ACTN2: variants seen among roughly 807,000 people sequenced by gnomAD.
ACTN2 encodes the protein actinin alpha 2.
ACTN2 carries 39 observed loss-of-function variants against 113.8 expected under a neutral mutation model. That is an observed-to-expected ratio of 0.34 (90% CI 0.27 to 0.45). The LOEUF (loss-of-function observed/expected upper bound fraction) is 0.45. Among genes scored for constraint, ACTN2 ranks in the 20% least tolerant of loss-of-function variants. The pLI, the probability that ACTN2 is intolerant of heterozygous loss-of-function variation, is 1.00. For synonymous variants in ACTN2, 429 were observed against 444.1 expected (o/e 0.97, Z 0.43); for missense variants, 992 against 1,177.9 (o/e 0.84, Z 2.31).
At chr1:236,712,943 A>G (rs1307798304) in intron 1 of ACTN2, among the ~76,000 whole-genome samples, 5 of 149,310 alleles carry the variant, frequency 3.3e-5, no homozygotes, top group Admixed American at 1.3e-4. Flanking sequence ...TTAACAACCT[A>G]CTATTCTTTT....
intron 1 of ACTN2, among the ~76,000 whole-genome samples, chr1:236,697,160 C>T (rs1657531999): frequency 6.6e-6 from 1 of 152,106 alleles, no homozygotes; most frequent in Non-Finnish European, 1.5e-5. Flanking sequence ...AACCCTATCT[C>T]TACAAAAATA....
At chr1:236,712,429 G>T (rs571955627) in intron 1 of ACTN2, among the ~76,000 whole-genome samples, 1 of 152,300 alleles carries the variant, frequency 6.6e-6, no homozygotes, top group East Asian at 1.9e-4. Context: ...ATTCATTAAA[G>T]ATAGGGAAAC....
At chr1:236,713,029 AC>A (rs1658080761) in intron 1 of ACTN2, among the ~76,000 whole-genome samples, 1 of 151,546 alleles carries the variant, frequency 6.6e-6, no homozygotes, top group Non-Finnish European at 1.5e-5. Context: ...AAGTAATTTT[AC>A]TTGCTGAAGA....
intron 1 of ACTN2, among the ~76,000 whole-genome samples, chr1:236,713,617 T>C (rs1207242781): frequency 3.9e-5 from 6 of 151,914 alleles, no homozygotes; most frequent in Non-Finnish European, 1.5e-5. Flanking sequence ...TATACACAGA[T>C]ACCACTGAAG....
intron 14 of ACTN2, among the ~76,000 whole-genome samples, chr1:236,750,830 T>A (rs577329242): frequency 8.9e-4 from 136 of 152,262 alleles, no homozygotes; most frequent in African/African-American, 3.0e-3. Flanking sequence ...GGCTCATACC[T>A]GTAATCCCAA....
At chr1:236,743,150 A>G in intron 11 of ACTN2, 107 bp downstream of exon 11, 1 of 1,368,644 alleles carries the variant, frequency 7.3e-7, no homozygotes, top group East Asian at 2.3e-5. Flanking sequence ...GTGACACTAA[A>G]GGTAGGTGTC....
At chr1:236,736,294 G>C (rs570296765) in intron 8 of ACTN2, among the ~76,000 whole-genome samples, 1 of 152,222 alleles carries the variant, frequency 6.6e-6, no homozygotes, top group African/African-American at 2.4e-5. Flanking sequence ...CTCCTTGGAG[G>C]ATCTTGATAG....
chr1:236,710,680 C>T (rs546167251), intron 1 of ACTN2, among the ~76,000 whole-genome samples: 3 of 152,276 alleles, frequency 2.0e-5, no homozygotes, highest in East Asian at 1.9e-4. Flanking sequence ...AGGTGAGCAG[C>T]GGATGACCAA....
chr1:236,698,354 A>G (rs1657578906), intron 1 of ACTN2, among the ~76,000 whole-genome samples: 1 of 152,176 alleles, frequency 6.6e-6, no homozygotes. Context: ...TTTAAAACAT[A>G]TTGTAGATGT....
Position 236,696,488 on chromosome 1 carries a change from T to C in ACTN2, c.126+9689T>C, listed in dbSNP as rs77469705. Among the ~76,000 whole-genome samples the C allele has an allele frequency of 3.3e-3, 499 of 152,286 alleles. 5 individuals are homozygous for C. Among genetic ancestry groups the C allele is most frequent in the African/African-American group, 0.012 (478 of 41,556 alleles). On this transcript the variant is annotated intron_variant, in intron 1 of 20. Coordinates refer to ENST00000366578, the MANE Select transcript of ACTN2 (RefSeq NM_001103.4). The stretch of plus-strand genomic sequence containing the variant: ...GTTATTTTGTTATAGTCAAACAAGA[T>C]GTGAAGATGACAATTAACTTTTAGA...
At position 236,754,244 on chromosome 1, in the gene ACTN2, T is replaced by A. The variant is rs376563442; in HGVS notation, c.1974+163T>A. Among the ~76,000 whole-genome samples the A allele has an allele frequency of 5.3e-5, 8 of 152,280 alleles. No homozygotes were observed. The East Asian group carries it at 1.5e-3, about 29-fold the overall frequency. On this transcript the variant is annotated intron_variant, in intron 16 of 20. Transcript: ENST00000366578. The surrounding 1 kb of genome is among the most constrained non-coding windows in gnomAD (Gnocchi z 4.9). The stretch of plus-strand genomic sequence containing the variant: ...GCTTTATCTTTCAGCCCCTGGCTGT[T>A]GGGGACAGTGTGCAAACCAGAGCAC...
chr1:236,735,629 C>G lies in ACTN2; in HGVS notation c.698-6C>G. 2 of 1,613,586 alleles carry G rather than the reference C, an allele frequency of 1.2e-6. No homozygotes were observed. Among genetic ancestry groups the G allele is most frequent in the Non-Finnish European group, 1.7e-6 (2 of 1,179,542 alleles). On this transcript the variant is annotated splice_polypyrimidine_tract_variant and splice_region_variant and intron_variant, in intron 7 of 20. Coordinates refer to ENST00000366578, the MANE Select transcript of ACTN2 (RefSeq NM_001103.4). Reference sequence around the variant, plus strand: ...GCGCGTCCTGTGTTATTTTCTCCCCCTTCAGACATCGTGAACACCCCTAAA... The same window carrying G: ...GCGCGTCCTGTGTTATTTTCTCCCCGTTCAGACATCGTGAACACCCCTAAA...
chr1:236,713,441 G>A (rs1658109573), intron 1 of ACTN2, among the ~76,000 whole-genome samples: 2 of 152,038 alleles, frequency 1.3e-5, no homozygotes, highest in African/African-American at 2.4e-5. Flanking sequence ...TGGTCAGGCT[G>A]GTCTTGCACT....
At chr1:236,753,762 T>G in intron 15 of ACTN2, 185 bp from the exon 16 acceptor site, 1 of 736,676 alleles carries the variant, frequency 1.4e-6, no homozygotes, top group Non-Finnish European at 2.4e-6. Context: ...ATCAAGCTCA[T>G]CCTGTAGTCC....
chr1:236,751,603 A>G lies in ACTN2; in HGVS notation c.1790A>G (p.Asn597Ser). 1 of 1,613,986 alleles carries G rather than the reference A, an allele frequency of 6.2e-7. No homozygotes were observed. Among genetic ancestry groups the G allele is most frequent in the South Asian group, 1.1e-5 (1 of 91,066 alleles). Residue 597 changes from asparagine to serine, a missense_variant, in exon 15 of 21, where the codon AAC becomes AGC. Physicochemically the swap from Asn to Ser is conservative, Grantham distance 46 (BLOSUM62 1). This residue lies in a region of ACTN2 where 736 missense variants were observed against 815.4 expected (regional missense o/e 0.90). Transcript: ENST00000366578. Reference sequence around the variant, plus strand: ...TACAACATCAGAATCAGCTCAAGCAACCCGTACAGCACTGTCACCATGGAT... The same window carrying G: ...TACAACATCAGAATCAGCTCAAGCAGCCCGTACAGCACTGTCACCATGGAT... ...QSYNIRISSSNPYSTVTMDEL... is the reference protein window; with the variant it reads ...QSYNIRISSSSPYSTVTMDEL...
chr1:236,747,802 A>G lies in ACTN2; in HGVS notation c.1515+27A>G, dbSNP rs764598255. 2.4e-5 allele frequency: 37 copies of G among 1,535,448 alleles called. No homozygotes were observed. In the Middle Eastern group the frequency reaches 6.8e-4, roughly 28 times the overall value. On this transcript the variant is annotated intron_variant, in intron 13 of 20. Coordinates refer to ENST00000366578, the MANE Select transcript of ACTN2 (RefSeq NM_001103.4). ...TGAAGTATTGAAGCCACTTGTTGAC[A>G]TGAAATCTTTTAATAGAAGCTCTTT...
At chr1:236,749,523 G>A (rs929521560) in intron 14 of ACTN2, among the ~76,000 whole-genome samples, 7 of 152,150 alleles carry the variant, frequency 4.6e-5, no homozygotes, top group East Asian at 3.8e-4. Flanking sequence ...GAGGCTGGGC[G>A]CAGTGGTTCA....
chr1:236,721,015 G>GGTTTTTTTT, intron 4 of ACTN2, among the ~76,000 whole-genome samples: 851 of 49,162 alleles, frequency 0.017, 340 homozygotes, highest in Middle Eastern at 0.028. Flanking sequence ...TCTGGTTTTT[G>GGTTTTTTTT]TTTTTTGTTT....
chr1:236,701,505 G>T (rs561008055), intron 1 of ACTN2, among the ~76,000 whole-genome samples: 1 of 152,170 alleles, frequency 6.6e-6, no homozygotes, highest in African/African-American at 2.4e-5. Context: ...CCACCAGCCC[G>T]GCTGAGTCCT....
Sources: allele counts gnomAD v4.1 joint callset (sites outside exome capture counted in the v4.1 genomes callset), GRCh38; gene constraint gnomAD v4.1.1; regional missense constraint gnomAD v4.1.1; non-coding constraint Gnocchi (gnomAD v3.1); transcripts MANE v1.5; gene names NCBI Gene and HGNC (gene_info 2026-07-23, HGNC 2026-07-21).